The following RBMS3 variants were observed in gnomAD, a reference collection of about 807,000 sequenced individuals.
RBMS3 encodes the protein RNA-binding motif, single-stranded-interacting protein 3.
A neutral mutation model predicts 66.8 loss-of-function variants in RBMS3; 27 were observed. The observed-to-expected ratio is 0.40, with a 90% CI of 0.30 to 0.56. The LOEUF is 0.56. RBMS3 is among the 20% of genes least tolerant of loss of function. RBMS3 has a pLI of 0.40. For synonymous variants in RBMS3, 188 were observed against 183.0 expected, an observed-to-expected ratio of 1.03 and a Z score of -0.22; for missense variants, 513 against 549.5, an observed-to-expected ratio of 0.93 and a Z score of 0.66.
chr3:29,816,301 GACACACACAGACACACACACACACAC>G (rs1394294088), intron 6 of RBMS3, among the ~76,000 whole-genome samples: 3 of 135,950 alleles, frequency 2.2e-5, no homozygotes, highest in Non-Finnish European at 3.2e-5. Flanking sequence ...GACACACACA[GACACACACAGACACACACACACACAC>G]ACACACACAC....
intron 5 of RBMS3, among the ~76,000 whole-genome samples, chr3:29,743,539 G>A (rs556200219): frequency 6.6e-6 from 1 of 152,106 alleles, no homozygotes; most frequent in Non-Finnish European, 1.5e-5. Flanking sequence ...TGGTGAGGGT[G>A]TTCAGCAGTC....
intron 3 of RBMS3, among the ~76,000 whole-genome samples, chr3:29,570,384 A>T (rs540977946): frequency 3.9e-5 from 6 of 152,186 alleles, no homozygotes; most frequent in African/African-American, 1.4e-4. Context: ...GACTGTAGTC[A>T]CCCTGTTGTG....
chr3:29,298,621 G>C (rs544877803), intron 1 of RBMS3, among the ~76,000 whole-genome samples: 1 of 150,816 alleles, frequency 6.6e-6, no homozygotes, highest in Non-Finnish European at 1.5e-5. Flanking sequence ...GGAAATATTT[G>C]GTTTCTTTTT....
intron 6 of RBMS3, among the ~76,000 whole-genome samples, chr3:29,843,998 T>A (rs564164888): frequency 4.4e-4 from 67 of 152,182 alleles, no homozygotes; most frequent in African/African-American, 1.5e-3. Context: ...GTTCACAGTA[T>A]AATTTTACAT....
intron 14 of RBMS3, among the ~76,000 whole-genome samples, chr3:29,997,024 G>C (rs1163018920): frequency 6.6e-6 from 1 of 151,444 alleles, no homozygotes; most frequent in East Asian, 1.9e-4. Flanking sequence ...CCGCTAGCAA[G>C]ACTAATAAAG....
At chr3:29,371,779 A>G (rs1488089692) in intron 1 of RBMS3, among the ~76,000 whole-genome samples, 1 of 152,204 alleles carries the variant, frequency 6.6e-6, no homozygotes, top group Non-Finnish European at 1.5e-5. Context: ...GATACTCTGG[A>G]GGAGAGAGGA....
chr3:29,681,108 C>A (rs923290995), intron 4 of RBMS3, among the ~76,000 whole-genome samples: 4 of 152,216 alleles, frequency 2.6e-5, no homozygotes, highest in Admixed American at 2.6e-4. Context: ...CATCTCTCTG[C>A]TATCTTTCTC....
intron 6 of RBMS3, among the ~76,000 whole-genome samples, chr3:29,868,549 C>T (rs1397991398): frequency 2.6e-5 from 4 of 152,262 alleles, no homozygotes; most frequent in South Asian, 2.1e-4. Context: ...ATTATGAACA[C>T]GTTTCTGACA....
intron 8 of RBMS3, among the ~76,000 whole-genome samples, chr3:29,891,622 G>T (rs749669831): frequency 4.6e-5 from 7 of 151,404 alleles, no homozygotes; most frequent in Non-Finnish European, 1.0e-4. Context: ...TCTTTCCTGT[G>T]CCCTTTTCAT....
Position 29,587,237 on chromosome 3 carries a change from T to TG in RBMS3, c.399+32_399+33insG, listed in dbSNP as rs1576302296. 3.8e-6 allele frequency: 3 copies of TG among 797,916 alleles called. No homozygotes were observed. The East Asian group carries it at 1.7e-4, about 46-fold the overall frequency. 49.4% of individuals were successfully genotyped at this position (797,916 alleles called of 1,614,324 possible). ...TTGATGTTTAGGGGTGTTTTTTTTTTTTTTTTTTTTTTGTGTGTGTGTGTG... is the reference window on the plus strand; with the variant it reads ...TTGATGTTTAGGGGTGTTTTTTTTTTGTTTTTTTTTTTTGTGTGTGTGTGTG... On this transcript the variant is annotated intron_variant, in intron 4 of 14. Coordinates refer to ENST00000383767, the MANE Select transcript of RBMS3 (RefSeq NM_001003793.3).
At chr3:29,422,500 G>T (rs1284112555) in intron 1 of RBMS3, among the ~76,000 whole-genome samples, 1 of 151,890 alleles carries the variant, frequency 6.6e-6, no homozygotes, top group Admixed American at 6.6e-5. Flanking sequence ...AAGGTTTGAG[G>T]TGCATTGACT....
At chr3:29,450,934 CCCCA>C (rs1485181071) in intron 2 of RBMS3, among the ~76,000 whole-genome samples, 1,207 of 49,320 alleles carry the variant, frequency 0.024, 20 homozygotes, top group African/African-American at 0.068. Flanking sequence ...CACACACACC[CCCCA>C]CACACACACA....
chr3:29,832,589 T>C (rs2058400317), intron 6 of RBMS3, among the ~76,000 whole-genome samples: 1 of 152,142 alleles, frequency 6.6e-6, no homozygotes, highest in Admixed American at 6.5e-5. Context: ...ATTTTTCCCA[T>C]ACGTAAAAAC....
intron 2 of RBMS3, among the ~76,000 whole-genome samples, chr3:29,479,299 G>A (rs1575950557): frequency 6.7e-6 from 1 of 150,096 alleles, no homozygotes; most frequent in South Asian, 2.1e-4. Context: ...ATGTGTATGT[G>A]TATATATATT....
intron 1 of RBMS3, among the ~76,000 whole-genome samples, chr3:29,298,909 A>G (rs2033475189): frequency 1.3e-5 from 2 of 151,986 alleles, no homozygotes; most frequent in East Asian, 2.0e-4. Context: ...AGCTCTCCCT[A>G]TTGCCACCAC....
chr3:29,360,644 G>T (rs2037525283), intron 1 of RBMS3, among the ~76,000 whole-genome samples: 1 of 151,954 alleles, frequency 6.6e-6, no homozygotes, highest in Non-Finnish European at 1.5e-5. Context: ...GTTGACAGTG[G>T]AGTGTTAAAG....
In RBMS3 at chr3:29,492,759, C is replaced by T. The variant is rs201111592; in HGVS notation, c.307+4260C>T. 4.6e-5 allele frequency among the ~76,000 whole-genome samples: 7 copies of T among 152,204 alleles called. No homozygotes were observed. In the East Asian group the frequency reaches 1.2e-3, roughly 25 times the overall value. On this transcript the variant is annotated intron_variant, in intron 3 of 14. Transcript: ENST00000383767. The stretch of plus-strand genomic sequence containing the variant: ...GAAACAAAACTCAAACTTGAGAGGG[C>T]TACAAAGGAAGTAGTGTCCTCAGGG...
intron 10 of RBMS3, among the ~76,000 whole-genome samples, chr3:29,908,999 G>C (rs1253846995): frequency 6.6e-6 from 1 of 152,098 alleles, no homozygotes; most frequent in African/African-American, 2.4e-5. Context: ...TAAAGGATGG[G>C]TGATGTTTGT....
At chr3:29,353,098 A>C (rs1051507038) in intron 1 of RBMS3, among the ~76,000 whole-genome samples, 9 of 151,708 alleles carry the variant, frequency 5.9e-5, no homozygotes, top group African/African-American at 1.5e-4. Context: ...TTTTAATTTG[A>C]TATTCTTGGG....
Sources: allele counts gnomAD v4.1 joint callset (sites outside exome capture counted in the v4.1 genomes callset), GRCh38; gene constraint gnomAD v4.1.1; transcripts MANE v1.5; gene names NCBI Gene and HGNC (gene_info 2026-07-23, HGNC 2026-07-21).